LPCAT4: variants seen among roughly 807,000 people sequenced by gnomAD.
The protein encoded by LPCAT4 is lysophosphatidylcholine acyltransferase 4.
A neutral mutation model predicts 66.5 loss-of-function variants in LPCAT4; 30 were observed. The observed-to-expected ratio is 0.45, with a 90% CI of 0.34 to 0.61. LPCAT4 has a LOEUF of 0.61. LPCAT4 is among the 20% of genes least tolerant of loss of function. The pLI is 0.01. For synonymous variants in LPCAT4, 253 were observed against 262.1 expected (o/e 0.97, Z 0.34); for missense variants, 557 against 656.7 (o/e 0.85, Z 1.66).
chr15:34,364,982 C>T (rs768184177), intron 3 of LPCAT4, 26 bp downstream of exon 3: 5 of 1,581,494 alleles, frequency 3.2e-6, no homozygotes. Flanking sequence ...GTCACCCTGC[C>T]CTTCACCCCC....
rs1428084395 is a variant in LPCAT4, at chr15:34,363,260, A to T, written c.746+162T>A. On this transcript the variant is annotated intron_variant, in intron 7 of 13. Coordinates refer to ENST00000314891, the MANE Select transcript of LPCAT4 (RefSeq NM_153613.3). The surrounding 1 kb of genome is among the most constrained non-coding windows in gnomAD (Gnocchi z 4.3). ...GGATAGCTAATCTAAGCACAGCCAGATTATATGGGGACATCAGGGGGAAAG... is the reference window on the plus strand; with the variant it reads ...GGATAGCTAATCTAAGCACAGCCAGTTTATATGGGGACATCAGGGGGAAAG... Among the ~76,000 whole-genome samples the T allele has an allele frequency of 6.6e-6, 1 of 152,198 alleles. No individual in the cohort carries two copies. Among genetic ancestry groups the T allele is most frequent in the Non-Finnish European group, 1.5e-5 (1 of 68,040 alleles).
chr15:34,364,170 G>A lies in LPCAT4; in HGVS notation c.591+24C>T, dbSNP rs200496943. 5 of 1,595,634 alleles carry A rather than the reference G, an allele frequency of 3.1e-6. No individual in the cohort carries two copies. The African/African-American group carries it at 5.4e-5, about 17-fold the overall frequency. ...TTCAGGAGCACATGGAAAGTGAGAA[G>A]ATGGTCTTGAGACCCTTACCCACCT... On this transcript the variant is annotated intron_variant, in intron 4 of 13. Transcript: ENST00000314891.
At chr15:34,362,454 C>A in intron 9 of LPCAT4, 119 bp downstream of exon 9, 1 of 1,414,708 alleles carries the variant, frequency 7.1e-7, no homozygotes, top group South Asian at 1.3e-5. Context: ...CTCAGCTGTT[C>A]AAGAGCCCTT....
Position 34,362,802 on chromosome 15 carries a change from A to G in LPCAT4, c.781T>C (p.Cys261Arg), listed in dbSNP as rs1292823480. Residue 261 changes from cysteine (C) to arginine (R), a missense_variant, in exon 8 of 14, where the codon TGC (cysteine) becomes CGC (arginine). Physicochemically the swap from Cys to Arg is radical, Grantham distance 180. Transcript: ENST00000314891. Reference protein sequence around the residue: ...KVLWLTASQPCSIVDVEFLPV... With the variant: ...KVLWLTASQPRSIVDVEFLPV... Reference sequence around the variant, plus strand: ...CATACCTCCACATCCACAATGCTGCAGGGCTGAGAGGCTGTGAGCCAGAGG... The same window carrying G: ...CATACCTCCACATCCACAATGCTGCGGGGCTGAGAGGCTGTGAGCCAGAGG... The G allele has an allele frequency of 6.2e-7, 1 of 1,614,186 alleles. No individual in the cohort carries two copies. Among genetic ancestry groups the G allele is most frequent in the African/African-American group, 1.3e-5 (1 of 75,042 alleles).
chr15:34,365,802 T>C, intron 1 of LPCAT4, 101 bp from the exon 2 acceptor site: 2 of 1,389,862 alleles, frequency 1.4e-6, no homozygotes, highest in Non-Finnish European at 2.0e-6. Flanking sequence ...ACAGCCATCA[T>C]CCCTTGCATG....
intron 9 of LPCAT4, 125 bp downstream of exon 9, chr15:34,362,448 G>T: frequency 7.0e-7 from 1 of 1,428,564 alleles, no homozygotes; most frequent in Non-Finnish European, 9.6e-7. Context: ...CTCTGTCTCA[G>T]CTGTTCAAGA....
rs776326529 is a variant in LPCAT4, at chr15:34,367,043, C to A, written c.58G>T (p.Ala20Ser). The change falls in exon 1 of 14, where the codon GCA (alanine) becomes TCA (serine). Residue 20 changes from alanine to serine, a missense_variant. Ala to Ser is a moderately conservative substitution (Grantham distance 99). Around this residue, in one of 4 missense-constraint regions of LPCAT4, gnomAD observed 94 missense variants for 71.5 expected, o/e 1.32. Coordinates refer to ENST00000314891, the MANE Select transcript of LPCAT4 (RefSeq NM_153613.3). ...APLDPTPGPPASPNPFVHELH... is the reference protein window; with the variant it reads ...APLDPTPGPPSSPNPFVHELH... ...TCATGCACGAAGGGGTTGGGGGATG[C>A]TGGGGGTCCGGGGGTGGGATCTAGG... 1 of 553,704 alleles carries A rather than the reference C, an allele frequency of 1.8e-6. No homozygotes were observed. Among genetic ancestry groups the A allele is most frequent in the Non-Finnish European group, 3.4e-6 (1 of 292,530 alleles). 34.3% of individuals were successfully genotyped at this position (553,704 alleles called of 1,614,324 possible).
intron 3 of LPCAT4, 162 bp from the exon 4 acceptor site, chr15:34,364,468 G>A (rs567610575): frequency 3.5e-6 from 2 of 569,310 alleles, no homozygotes; most frequent in South Asian, 4.2e-5. Flanking sequence ...TTGTTGCCCA[G>A]GCTGGAGTGC....
At chr15:34,364,423 T>C in intron 3 of LPCAT4, 117 bp from the exon 4 acceptor site, 1 of 604,340 alleles carries the variant, frequency 1.7e-6, no homozygotes, top group South Asian at 2.0e-5. Flanking sequence ...TTTTTTTTTT[T>C]TTCTGTTGTT....
intron 10 of LPCAT4, 61 bp from the exon 11 acceptor site, chr15:34,361,593 C>T: frequency 6.3e-7 from 1 of 1,598,994 alleles, no homozygotes; most frequent in Non-Finnish European, 8.5e-7. Context: ...ACACCATCAG[C>T]AGGACTTCAG....
rs372517138 is a variant in LPCAT4, at chr15:34,363,397, C to T, written c.746+25G>A. The T allele has an allele frequency of 7.1e-5, 115 of 1,611,064 alleles. No individual in the cohort carries two copies. The highest frequency in any genetic ancestry group is 9.2e-5 in the Non-Finnish European group (109 of 1,178,632). On this transcript the variant is annotated intron_variant, in intron 7 of 13. Transcript: ENST00000314891. The surrounding 1 kb of genome is among the most constrained non-coding windows in gnomAD (Gnocchi z 4.3). The stretch of plus-strand genomic sequence containing the variant: ...TCTGATGGACCCTGCTCCCCACCCT[C>T]ACCCCCAGGAATACCAGAACTCACA...
At chr15:34,364,426 CTGTT>C in intron 3 of LPCAT4, 120 bp from the exon 4 acceptor site, 4 of 580,088 alleles carry the variant, frequency 6.9e-6, no homozygotes, top group Non-Finnish European at 1.2e-5. Context: ...TTTTTTTTTT[CTGTT>C]GTTGTTGTTT....
At position 34,363,505 on chromosome 15, in the gene LPCAT4, T is replaced by C. The variant is rs994075085; in HGVS notation, c.712-49A>G. 6.2e-7 allele frequency: 1 copy of C among 1,612,344 alleles called. No homozygotes were observed. ...GCATAAGAGCATTACTTTTTCCCCCTGGAACTGGCCAATCACCTTTGAACA... is the reference window on the plus strand; with the variant it reads ...GCATAAGAGCATTACTTTTTCCCCCCGGAACTGGCCAATCACCTTTGAACA... On this transcript the variant is annotated intron_variant, in intron 6 of 13. Transcript: ENST00000314891. The surrounding 1 kb of genome is among the most constrained non-coding windows in gnomAD (Gnocchi z 4.3).
Position 34,362,634 on chromosome 15 carries a change from TG to T in LPCAT4, c.822del (p.Ser275AlafsTer33). 6.3e-7 allele frequency: 1 copy of T among 1,592,622 alleles called. No individual in the cohort carries two copies. The highest frequency in any genetic ancestry group is 1.7e-5 in the Admixed American group (1 of 58,942). ...GTGGGGTCCCTGCTCTCCTCAGGGC[TG>T]GGGTGATACACAGGAAGGAACTGAA... ...VDVEFLPVYHPSPEESRDPTL... is the reference protein window; with the variant it reads ...VDVEFLPVYHXSPEESRDPTL... On this transcript the variant is annotated frameshift_variant, in exon 9 of 14. Coordinates refer to ENST00000314891, the MANE Select transcript of LPCAT4 (RefSeq NM_153613.3). LOFTEE classifies it high-confidence loss of function.
At position 34,361,437 on chromosome 15, in the gene LPCAT4, G is replaced by C; in HGVS notation, c.1106C>G (p.Pro369Arg). The C allele has an allele frequency of 1.2e-6, 2 of 1,614,196 alleles. No individual in the cohort carries two copies. The highest frequency in any genetic ancestry group is 1.7e-5 in the Admixed American group (1 of 60,018). The change falls in exon 11 of 14, where the codon CCT (proline) becomes CGT (arginine). Residue 369 changes from proline (P) to arginine (R), a missense_variant. Coordinates refer to ENST00000314891, the MANE Select transcript of LPCAT4 (RefSeq NM_153613.3). ...EFARQLQLSDPQTVAGAFGYF... is the reference protein window; with the variant it reads ...EFARQLQLSDRQTVAGAFGYF... The stretch of plus-strand genomic sequence containing the variant: ...GCCAAAGGCACCAGCCACCGTCTGA[G>C]GATCAGAGAGCTGTAGCTGCCTGGC...
At position 34,362,199 on chromosome 15, in the gene LPCAT4, G is replaced by A. The variant is rs557755609; in HGVS notation, c.1007C>T (p.Ala336Val). Residue 336 changes from alanine to valine, a missense_variant, in exon 10 of 14, where the codon GCT becomes GTT. Ala to Val is a moderately conservative substitution (Grantham distance 64). Transcript: ENST00000314891. ...LWELGKVLRKAGLSAGYVDAG... is the reference protein window; with the variant it reads ...LWELGKVLRKVGLSAGYVDAG... ...CCTCATTTCCAAGACCACTTACCCAGCCTTCCGAAGCACTTTTCCCAGTTC... is the reference window on the plus strand; with the variant it reads ...CCTCATTTCCAAGACCACTTACCCAACCTTCCGAAGCACTTTTCCCAGTTC... The A allele has an allele frequency of 1.2e-6, 2 of 1,612,466 alleles. No individual in the cohort carries two copies. Among genetic ancestry groups the A allele is most frequent in the South Asian group, 2.2e-5 (2 of 91,034 alleles).
intron 2 of LPCAT4, 132 bp from the exon 3 acceptor site, chr15:34,365,360 C>CAAAGTGGCCAGAGACCT: frequency 8.4e-7 from 1 of 1,192,054 alleles, no homozygotes; most frequent in Non-Finnish European, 1.2e-6. Context: ...GCCAAGGTCT[C>CAAAGTGGCCAGAGACCT]TGGCCACTTT....
chr15:34,362,203 T>C lies in LPCAT4; in HGVS notation c.1003A>G (p.Lys335Glu). The change falls in exon 10 of 14, where the codon AAG (lysine) becomes GAG (glutamate). Residue 335 changes from lysine to glutamate, a missense_variant. Lys to Glu is a moderately conservative substitution (Grantham distance 56, BLOSUM62 1). Transcript: ENST00000314891. ...QLWELGKVLR[K>E]AGLSAGYVDA... ...ATTTCCAAGACCACTTACCCAGCCT[T>C]CCGAAGCACTTTTCCCAGTTCCCAG... The C allele has an allele frequency of 6.2e-7, 1 of 1,613,470 alleles. No individual in the cohort carries two copies. Among genetic ancestry groups the C allele is most frequent in the Non-Finnish European group, 8.5e-7 (1 of 1,179,862 alleles).
intron 10 of LPCAT4, among the ~76,000 whole-genome samples, 165 bp from the exon 11 acceptor site, chr15:34,361,697 T>C (rs572305813): frequency 6.6e-6 from 1 of 152,048 alleles, no homozygotes; most frequent in South Asian, 2.1e-4. Flanking sequence ...CTTACTTTTT[T>C]CTTTTCTTTT....
Sources: allele counts gnomAD v4.1 joint callset (sites outside exome capture counted in the v4.1 genomes callset), GRCh38; gene constraint gnomAD v4.1.1; regional missense constraint gnomAD v4.1.1; non-coding constraint Gnocchi (gnomAD v3.1); transcripts MANE v1.5; gene names NCBI Gene and HGNC (gene_info 2026-07-23, HGNC 2026-07-21).